The following GALNT18 variants were observed in gnomAD, a reference collection of about 807,000 sequenced individuals.
The protein encoded by GALNT18 is GalNAc-transferase 18.
In GALNT18, 44 loss-of-function variants were observed where a neutral mutation model predicts 69.5. The ratio of observed to expected loss-of-function variants is 0.63; its 90% CI spans 0.50 to 0.81. GALNT18 has a LOEUF of 0.81. Among genes scored for constraint, GALNT18 ranks in the 40% least tolerant of loss-of-function variants. GALNT18 has a pLI of 0.00. For missense variants in GALNT18, 715 were observed against 810.0 expected, an observed-to-expected ratio of 0.88 and a Z score of 1.42; for synonymous variants, 364 against 318.2, an observed-to-expected ratio of 1.14 and a Z score of -1.53.
In GALNT18 at chr11:11,500,997, C is replaced by G. The variant is rs976561370; in HGVS notation, c.236-52061G>C. On this transcript the variant is annotated intron_variant, in intron 1 of 10. Coordinates refer to ENST00000227756, the MANE Select transcript of GALNT18 (RefSeq NM_198516.3). The surrounding 1 kb of genome is among the most constrained non-coding windows in gnomAD (Gnocchi z 5.0). The stretch of plus-strand genomic sequence containing the variant: ...GTCGCAGACTGGAAACTGGGCAGAA[C>G]AGCAACTCCAAGGAGGCTGACTGCA... Among the ~76,000 whole-genome samples, 1 of 152,224 alleles carries G rather than the reference C, an allele frequency of 6.6e-6. No homozygotes were observed. Among genetic ancestry groups the G allele is most frequent in the African/African-American group, 2.4e-5 (1 of 41,454 alleles).
intron 1 of GALNT18, among the ~76,000 whole-genome samples, chr11:11,559,061 A>G (rs149192070): frequency 2.5e-3 from 374 of 152,336 alleles, no homozygotes; most frequent in South Asian, 8.5e-3. Flanking sequence ...GGTAATAAAT[A>G]ACAGCACCTC....
chr11:11,339,633 C>T lies in GALNT18; in HGVS notation c.1278+1186G>A, dbSNP rs1850168751. Among the ~76,000 whole-genome samples the T allele has an allele frequency of 2.0e-5, 3 of 152,220 alleles. No homozygotes were observed. Among genetic ancestry groups the T allele is most frequent in the Admixed American group, 2.0e-4 (3 of 15,284 alleles). On this transcript the variant is annotated intron_variant, in intron 7 of 10. Coordinates refer to ENST00000227756, the MANE Select transcript of GALNT18 (RefSeq NM_198516.3). This position sits in a 1 kb window ranked among gnomAD's most constrained non-coding sequence, Gnocchi z 5.2. ...ATGCAGTTCCCCAGAAACACTCTTACTGTCAGGAATGCAATCCCGGGCTGG... is the reference window on the plus strand; with the variant it reads ...ATGCAGTTCCCCAGAAACACTCTTATTGTCAGGAATGCAATCCCGGGCTGG...
At chr11:11,442,595 G>A (rs1855554329) in intron 2 of GALNT18, among the ~76,000 whole-genome samples, 1 of 152,060 alleles carries the variant, frequency 6.6e-6, no homozygotes, top group South Asian at 2.1e-4. Context: ...AGTGCCCCTG[G>A]CTCTGGGCTA....
chr11:11,491,182 C>T (rs1453036851), intron 1 of GALNT18, among the ~76,000 whole-genome samples: 2 of 152,146 alleles, frequency 1.3e-5, no homozygotes, highest in Non-Finnish European at 2.9e-5. Context: ...CATCACATGC[C>T]CTGGACATGC....
In GALNT18 at chr11:11,621,983, G is replaced by A. The variant is rs1304455364; in HGVS notation, c.-390C>T. On this transcript the variant is annotated 5_prime_UTR_variant, in exon 1 of 11. Transcript: ENST00000227756. The surrounding 1 kb of genome is among the most constrained non-coding windows in gnomAD (Gnocchi z 9.3). ...GCCGGCTGCCTTGGCGGTCCGACCG[G>A]CCCGCGCTGCTAGGAGAACAGCGGC... The A allele has an allele frequency of 2.4e-5, 4 of 168,776 alleles. No homozygotes were observed. Among genetic ancestry groups the A allele is most frequent in the Non-Finnish European group, 5.0e-5 (4 of 79,408 alleles). The allele number at this position is 168,776 out of a possible 1,614,324, so 10.5% of individuals were successfully genotyped here. A position where few individuals can be genotyped will look rare whatever the true frequency, so the allele number is the denominator to read the frequency against.
chr11:11,550,752 T>C (rs1182575107), intron 1 of GALNT18, among the ~76,000 whole-genome samples: 2 of 152,230 alleles, frequency 1.3e-5, no homozygotes, highest in Non-Finnish European at 2.9e-5. Context: ...CCCAGCCATA[T>C]GTGGCTCTTG....
intron 6 of GALNT18, among the ~76,000 whole-genome samples, chr11:11,349,227 C>A (rs1850355768): frequency 6.6e-6 from 1 of 152,112 alleles, no homozygotes; most frequent in South Asian, 2.1e-4. Context: ...AGTCTTGTTT[C>A]CGGTATTACG....
chr11:11,359,880 A>G (rs1850606227), intron 6 of GALNT18, among the ~76,000 whole-genome samples: 1 of 152,148 alleles, frequency 6.6e-6, no homozygotes, highest in South Asian at 2.1e-4. Context: ...GTAAGGAGGG[A>G]GTTATTTATT....
At chr11:11,420,717 G>A (rs1854985014) in intron 3 of GALNT18, among the ~76,000 whole-genome samples, 1 of 152,160 alleles carries the variant, frequency 6.6e-6, no homozygotes. Context: ...AATGAACAAG[G>A]AGACCTTTCC....
chr11:11,335,311 G>T (rs1008908112), intron 7 of GALNT18, among the ~76,000 whole-genome samples: 9 of 152,162 alleles, frequency 5.9e-5, no homozygotes, highest in African/African-American at 2.2e-4. Context: ...TGAATATCAA[G>T]TCCCCTTCCC....
At chr11:11,417,689 C>T (rs1854898544) in intron 3 of GALNT18, among the ~76,000 whole-genome samples, 1 of 152,182 alleles carries the variant, frequency 6.6e-6, no homozygotes. Context: ...CATCGGCCCA[C>T]ATCCCATATT....
At chr11:11,422,065 C>G (rs1855022088) in intron 3 of GALNT18, among the ~76,000 whole-genome samples, 1 of 152,172 alleles carries the variant, frequency 6.6e-6, no homozygotes, top group Non-Finnish European at 1.5e-5. Flanking sequence ...ATATCTATAT[C>G]TATGAGAGAA....
At chr11:11,585,904 T>G (rs1288380274) in intron 1 of GALNT18, among the ~76,000 whole-genome samples, 1 of 148,806 alleles carries the variant, frequency 6.7e-6, no homozygotes, top group African/African-American at 2.5e-5. Context: ...GCTAAAATCC[T>G]AACCCAGGGA....
rs1859751136 is a variant in GALNT18 at position 11,606,221 on chromosome 11, T to C, written c.235+15138A>G. On this transcript the variant is annotated intron_variant, in intron 1 of 10. Transcript: ENST00000227756. The surrounding 1 kb of genome is among the most constrained non-coding windows in gnomAD (Gnocchi z 5.4). ...TTCATGTGTTTACTCAGCAAACTCC[T>C]ACCTAGCCCCTACTGTATACCTGGC... Among the ~76,000 whole-genome samples, 1 of 152,166 alleles carries C rather than the reference T, an allele frequency of 6.6e-6. No homozygotes were observed. Among genetic ancestry groups the C allele is most frequent in the African/African-American group, 2.4e-5 (1 of 41,428 alleles).
intron 1 of GALNT18, among the ~76,000 whole-genome samples, chr11:11,575,183 C>T (rs1358268293): frequency 6.6e-6 from 1 of 152,126 alleles, no homozygotes; most frequent in Non-Finnish European, 1.5e-5. Flanking sequence ...ATCTGTAAGC[C>T]ACTGAACGGT....
rs1339787721 is a variant in GALNT18 at position 11,586,693 on chromosome 11, G to T, written c.235+34666C>A. Among the ~76,000 whole-genome samples the T allele has an allele frequency of 6.6e-6, 1 of 152,166 alleles. No individual in the cohort carries two copies. The highest frequency in any genetic ancestry group is 1.9e-4 in the East Asian group (1 of 5,200). On this transcript the variant is annotated intron_variant, in intron 1 of 10. Coordinates refer to ENST00000227756, the MANE Select transcript of GALNT18 (RefSeq NM_198516.3). The surrounding 1 kb of genome is among the most constrained non-coding windows in gnomAD (Gnocchi z 4.1). ...ATCAGTTCTTAAAATACTGAAATAG[G>T]CCGGGCTTGGTAGCTCATGCCTGTA... is the stretch of plus-strand genomic sequence containing the variant.
In GALNT18 at chr11:11,540,637, G is replaced by T. The variant is rs754606779; in HGVS notation, c.235+80722C>A. On this transcript the variant is annotated intron_variant, in intron 1 of 10. Transcript: ENST00000227756. This position sits in a 1 kb window ranked among gnomAD's most constrained non-coding sequence, Gnocchi z 4.6. ...GCGAGTTTCCCTTGGCCTGCCCTGC[G>T]ATTTGGGGGTGATGCTTTGTGATTT... Among the ~76,000 whole-genome samples, 1 of 152,118 alleles carries T rather than the reference G, an allele frequency of 6.6e-6. No individual in the cohort carries two copies. The highest frequency in any genetic ancestry group is 2.1e-4 in the South Asian group (1 of 4,824).
At chr11:11,456,715 A>G (rs1380295089) in intron 1 of GALNT18, among the ~76,000 whole-genome samples, 1 of 152,098 alleles carries the variant, frequency 6.6e-6, no homozygotes, top group African/African-American at 2.4e-5. Context: ...AATGAGAGTG[A>G]TGGGTTTCTA....
At chr11:11,276,587 G>A (rs1848952687) in intron 10 of GALNT18, among the ~76,000 whole-genome samples, 1 of 152,164 alleles carries the variant, frequency 6.6e-6, no homozygotes, top group Non-Finnish European at 1.5e-5. Flanking sequence ...GGAGTGGTGA[G>A]AGAGGGCATC....
Sources: allele counts gnomAD v4.1 joint callset (sites outside exome capture counted in the v4.1 genomes callset), GRCh38; gene constraint gnomAD v4.1.1; non-coding constraint Gnocchi (gnomAD v3.1); transcripts MANE v1.5; gene names NCBI Gene and HGNC (gene_info 2026-07-23, HGNC 2026-07-21).